ASTN2: variants seen among roughly 807,000 people sequenced by gnomAD.
The protein encoded by ASTN2 is astrotactin 2, also known as astrotactin-2.
Under a neutral mutation model 139.8 loss-of-function variants are expected in ASTN2, and 54 were observed. That is an observed-to-expected ratio of 0.39 (90% CI 0.31 to 0.48). The LOEUF (loss-of-function observed/expected upper bound fraction) is 0.48, where lower values mean the gene tolerates loss of function less well. Ranked by LOEUF, ASTN2 falls within the 20% of genes least tolerant of loss-of-function variation. The pLI, the probability that ASTN2 is intolerant of heterozygous loss-of-function variation, is 0.95. For synonymous variants in ASTN2, 756 were observed against 719.5 expected, an observed-to-expected ratio of 1.05 and a Z score of -0.81; for missense variants, 1,565 against 1,725.1, an observed-to-expected ratio of 0.91 and a Z score of 1.64.
intron 7 of ASTN2, among the ~76,000 whole-genome samples, chr9:117,003,953 C>CGCGCGTGTGTGTGTGTGTGT (rs1218309835): frequency 7.5e-5 from 11 of 146,284 alleles, no homozygotes; most frequent in African/African-American, 2.9e-4. Flanking sequence ...CGCGCGCGCG[C>CGCGCGTGTGTGTGTGTGTGT]GTGTGTGTGT....
chr9:117,016,618 A>AGGT (rs1564385786), intron 6 of ASTN2, among the ~76,000 whole-genome samples: 7,347 of 19,076 alleles, frequency 0.39, 1,396 homozygotes, highest in Middle Eastern at 0.59. Flanking sequence ...ATCTATATCT[A>AGGT]TCTATCTATA....
At chr9:117,199,841 T>C (rs969104972) in intron 3 of ASTN2, among the ~76,000 whole-genome samples, 6 of 152,058 alleles carry the variant, frequency 3.9e-5, no homozygotes, top group Non-Finnish European at 1.5e-5. Flanking sequence ...AAGAGGTCCT[T>C]CACATCCCTT....
chr9:116,922,167 A>G (rs1286665791), intron 10 of ASTN2, among the ~76,000 whole-genome samples: 1 of 152,168 alleles, frequency 6.6e-6, no homozygotes, highest in Non-Finnish European at 1.5e-5. Flanking sequence ...CCTCCTATGC[A>G]TTACTAAGTC....
chr9:116,877,524 T>C (rs1833334702), intron 10 of ASTN2, among the ~76,000 whole-genome samples: 1 of 152,190 alleles, frequency 6.6e-6, no homozygotes, highest in South Asian at 2.1e-4. Context: ...TTACAAACTG[T>C]GATAGATGCT....
intron 17 of ASTN2, among the ~76,000 whole-genome samples, chr9:116,630,829 T>A (rs1367246869): frequency 1.3e-5 from 2 of 150,956 alleles, no homozygotes; most frequent in African/African-American, 4.9e-5. Flanking sequence ...AGGGTTAATA[T>A]CCAGAATATA....
At chr9:117,316,888 G>C (rs2130824729) in intron 1 of ASTN2, among the ~76,000 whole-genome samples, 1 of 152,278 alleles carries the variant, frequency 6.6e-6, no homozygotes, top group East Asian at 1.9e-4. Context: ...AGTTGTCCAA[G>C]AAAGATGCAG....
At chr9:117,071,028 T>C (rs979597282) in intron 5 of ASTN2, among the ~76,000 whole-genome samples, 4 of 149,164 alleles carry the variant, frequency 2.7e-5, no homozygotes, top group East Asian at 2.0e-4. Flanking sequence ...TCATTCTCCA[T>C]CCAGCTTTGT....
intron 19 of ASTN2, among the ~76,000 whole-genome samples, chr9:116,518,310 T>C (rs1258473766): frequency 6.6e-6 from 1 of 152,202 alleles, no homozygotes; most frequent in Non-Finnish European, 1.5e-5. Context: ...AGCATATTTC[T>C]CAACAGAAAT....
chr9:116,578,619 C>CGTGTGTGTGTGT lies in ASTN2; in HGVS notation c.3355+39693_3355+39704dup, dbSNP rs71377254. 6.1e-4 allele frequency among the ~76,000 whole-genome samples: 84 copies of CGTGTGTGTGTGT among 137,662 alleles called. No individual in the cohort carries two copies. In the East Asian group the frequency reaches 6.2e-3, roughly 10 times the overall value. 90.3% of individuals were successfully genotyped at this position (137,662 alleles called of 152,430 possible). A position where few individuals can be genotyped will look rare whatever the true frequency, so the allele number is the denominator to read the frequency against. ...TTGAACCCAGGCCGTCTGGCTCCAA[C>CGTGTGTGTGTGT]GTGTGTGTGTGTGTGTGTGTGTGTG... On this transcript the variant is annotated intron_variant, in intron 19 of 22. Transcript: ENST00000313400.
chr9:116,870,062 G>A (rs1302285757), intron 10 of ASTN2, among the ~76,000 whole-genome samples: 1 of 151,934 alleles, frequency 6.6e-6, no homozygotes, highest in East Asian at 1.9e-4. Flanking sequence ...TGGGGGTCAA[G>A]GATTTCAGTA....
At chr9:116,752,402 G>C (rs551996867) in intron 13 of ASTN2, among the ~76,000 whole-genome samples, 1 of 152,244 alleles carries the variant, frequency 6.6e-6, no homozygotes, top group South Asian at 2.1e-4. Flanking sequence ...ATTATTGTAA[G>C]TCTAAATGTA....
intron 22 of ASTN2, among the ~76,000 whole-genome samples, chr9:116,428,791 C>T (rs566341518): frequency 6.6e-6 from 1 of 152,216 alleles, no homozygotes; most frequent in South Asian, 2.1e-4. Context: ...ACCACTTGTC[C>T]CTCAGTTTTC....
chr9:116,867,913 T>C (rs1238727183), intron 10 of ASTN2, among the ~76,000 whole-genome samples: 1 of 152,166 alleles, frequency 6.6e-6, no homozygotes, highest in Non-Finnish European at 1.5e-5. Flanking sequence ...AAGCAGACAC[T>C]GGCGTTTTCT....
intron 10 of ASTN2, among the ~76,000 whole-genome samples, chr9:116,938,205 A>G (rs1564350136): frequency 6.6e-6 from 1 of 152,150 alleles, no homozygotes; most frequent in East Asian, 1.9e-4. Flanking sequence ...CACATTTGCA[A>G]TCATTTTTAT....
chr9:117,205,383 T>G (rs890356648), intron 3 of ASTN2, among the ~76,000 whole-genome samples: 1 of 152,202 alleles, frequency 6.6e-6, no homozygotes, highest in Non-Finnish European at 1.5e-5. Context: ...ACATCTTTTA[T>G]TTTTATATCT....
At chr9:117,110,320 T>A (rs1240993461) in intron 4 of ASTN2, among the ~76,000 whole-genome samples, 3 of 152,140 alleles carry the variant, frequency 2.0e-5, no homozygotes, top group Non-Finnish European at 2.9e-5. Context: ...AAGGGACCCA[T>A]CCTAGACACA....
intron 3 of ASTN2, among the ~76,000 whole-genome samples, chr9:117,193,435 C>G (rs1174000909): frequency 1.3e-5 from 2 of 151,758 alleles, no homozygotes; most frequent in East Asian, 1.9e-4. Flanking sequence ...GTGAGGAGAT[C>G]GAGACCATCC....
chr9:117,379,861 G>T (rs1478820330), intron 1 of ASTN2, among the ~76,000 whole-genome samples: 1 of 152,180 alleles, frequency 6.6e-6, no homozygotes, highest in African/African-American at 2.4e-5. Context: ...TGAAAAGTTT[G>T]TACTTTATTT....
At chr9:116,787,445 C>A (rs1480152441) in intron 13 of ASTN2, among the ~76,000 whole-genome samples, 1 of 152,196 alleles carries the variant, frequency 6.6e-6, no homozygotes, top group African/African-American at 2.4e-5. Flanking sequence ...TCAAGGAAGA[C>A]AGTACCCCTA....
Sources: allele counts gnomAD v4.1 joint callset (sites outside exome capture counted in the v4.1 genomes callset), GRCh38; gene constraint gnomAD v4.1.1; transcripts MANE v1.5; gene names NCBI Gene and HGNC (gene_info 2026-07-23, HGNC 2026-07-21).